Variants in ADGRB3 observed in about 807,000 individuals in gnomAD.
ADGRB3 encodes the protein adhesion G protein-coupled receptor B3, also known as brain-specific angiogenesis inhibitor 3.
ADGRB3 carries 37 observed loss-of-function variants against 193.4 expected under a neutral mutation model. The observed-to-expected ratio is 0.19, with a 90% CI of 0.15 to 0.25. The LOEUF (loss-of-function observed/expected upper bound fraction) is 0.25. Among genes scored for constraint, ADGRB3 ranks in the 10% least tolerant of loss-of-function variants. The probability of loss-of-function intolerance (pLI) is 1.00; values close to 1 mark genes in which losing one functional copy is unlikely to be tolerated. For synonymous variants in ADGRB3, 690 were observed against 644.2 expected, an observed-to-expected ratio of 1.07 and a Z score of -1.08; for missense variants, 1,637 against 1,852.9, an observed-to-expected ratio of 0.88 and a Z score of 2.14.
chr6:68,909,161 T>A (rs533179313), intron 3 of ADGRB3, among the ~76,000 whole-genome samples: 1 of 152,202 alleles, frequency 6.6e-6, no homozygotes, highest in African/African-American at 2.4e-5. Flanking sequence ...TCTTGTTATA[T>A]GTGCTTCCTC....
At chr6:69,097,114 G>C (rs933748723) in intron 17 of ADGRB3, among the ~76,000 whole-genome samples, 2 of 152,128 alleles carry the variant, frequency 1.3e-5, no homozygotes, top group Non-Finnish European at 2.9e-5. Flanking sequence ...ACTACAGTCT[G>C]TTTCATTTTA....
intron 20 of ADGRB3, among the ~76,000 whole-genome samples, chr6:69,272,290 T>C (rs2127279824): frequency 6.6e-6 from 1 of 152,262 alleles, no homozygotes; most frequent in South Asian, 2.1e-4. Context: ...TCGTTTTCAT[T>C]CCCTGCCCTG....
At chr6:69,060,781 T>C (rs1771725029) in intron 15 of ADGRB3, among the ~76,000 whole-genome samples, 2 of 152,036 alleles carry the variant, frequency 1.3e-5, no homozygotes, top group Non-Finnish European at 2.9e-5. Flanking sequence ...CTGATTCTTC[T>C]CTGGGAGAAA....
intron 12 of ADGRB3, among the ~76,000 whole-genome samples, chr6:69,015,758 A>C (rs1307523463): frequency 6.6e-6 from 1 of 151,918 alleles, no homozygotes; most frequent in Non-Finnish European, 1.5e-5. Context: ...TAGTCATTTC[A>C]GAATTTGTTA....
chr6:69,384,043 G>A (rs1770008444), intron 31 of ADGRB3, among the ~76,000 whole-genome samples: 1 of 151,966 alleles, frequency 6.6e-6, no homozygotes, highest in African/African-American at 2.4e-5. Context: ...GAGCTGAAGA[G>A]TATCTTTTAT....
intron 28 of ADGRB3, 147 bp from the exon 29 acceptor site, chr6:69,360,718 TACAA>T: frequency 2.5e-6 from 2 of 787,002 alleles, no homozygotes; most frequent in Non-Finnish European, 1.9e-6. Flanking sequence ...CTGGACCATG[TACAA>T]ACAAATTGAT....
At chr6:68,636,040 G>A (rs1203042181) in intron 1 of ADGRB3, 40 bp downstream of exon 1, 1 of 152,252 alleles carries the variant, frequency 6.6e-6, no homozygotes, top group Non-Finnish European at 1.5e-5. Flanking sequence ...TCTCTGCCGG[G>A]GGTCGCCACC....
At chr6:69,297,291 G>C (rs919662991) in intron 20 of ADGRB3, among the ~76,000 whole-genome samples, 2 of 149,092 alleles carry the variant, frequency 1.3e-5, no homozygotes, top group Admixed American at 1.3e-4. Flanking sequence ...CTTTCTATTA[G>C]TTCCATACCA....
intron 17 of ADGRB3, among the ~76,000 whole-genome samples, chr6:69,123,752 G>T (rs1005442641): frequency 2.0e-5 from 3 of 152,162 alleles, no homozygotes; most frequent in African/African-American, 4.8e-5. Flanking sequence ...AATACTTACT[G>T]CAAAGGCCAA....
intron 1 of ADGRB3, among the ~76,000 whole-genome samples, chr6:68,636,352 G>T (rs1388488094): frequency 6.6e-6 from 1 of 151,954 alleles, no homozygotes; most frequent in African/African-American, 2.4e-5. Context: ...TGGAGTGATG[G>T]CGCCGTCTAT....
intron 17 of ADGRB3, among the ~76,000 whole-genome samples, chr6:69,164,188 AG>A (rs1238793980): frequency 1.3e-5 from 2 of 152,054 alleles, no homozygotes; most frequent in Non-Finnish European, 2.9e-5. Context: ...TGTCATCACA[AG>A]CTAAGCTAAG....
intron 3 of ADGRB3, among the ~76,000 whole-genome samples, chr6:68,883,445 T>C (rs1259097079): frequency 6.6e-6 from 1 of 152,182 alleles, no homozygotes; most frequent in South Asian, 2.1e-4. Flanking sequence ...TGTAGGAGCT[T>C]TGTTTATTTG....
chr6:68,881,177 G>GTT (rs11396551), intron 3 of ADGRB3, among the ~76,000 whole-genome samples: 1,828 of 149,282 alleles, frequency 0.012, 40 homozygotes, highest in African/African-American at 0.034. Context: ...TCCTTATAAA[G>GTT]TTTTTTTTTT....
At chr6:69,232,563 AG>A in intron 17 of ADGRB3, 1 of 1,535,620 alleles carries the variant, frequency 6.5e-7, no homozygotes, top group East Asian at 2.4e-5. Flanking sequence ...GAAGCAGTTG[AG>A]GGAAAGAAAT....
At chr6:68,772,914 T>TAA (rs1562023459) in intron 3 of ADGRB3, among the ~76,000 whole-genome samples, 31 of 60,344 alleles carry the variant, frequency 5.1e-4, no homozygotes, top group African/African-American at 3.0e-3. Flanking sequence ...TATATATATA[T>TAA]ATATATATAT....
chr6:69,374,459 G>T (rs1480444034), intron 30 of ADGRB3, among the ~76,000 whole-genome samples: 1 of 151,940 alleles, frequency 6.6e-6, no homozygotes, highest in African/African-American at 2.4e-5. Flanking sequence ...TAAATATTTT[G>T]CCACTGACAG....
chr6:69,333,095 T>C (rs1403521115), intron 24 of ADGRB3, 87 bp downstream of exon 24: 2 of 1,374,792 alleles, frequency 1.5e-6, no homozygotes, highest in African/African-American at 3.1e-5. Flanking sequence ...CGTTTGACTC[T>C]GCCTTGAATT....
At chr6:68,799,948 C>T (rs767173694) in intron 3 of ADGRB3, among the ~76,000 whole-genome samples, 3 of 151,996 alleles carry the variant, frequency 2.0e-5, no homozygotes, top group Non-Finnish European at 4.4e-5. Context: ...TGTTTTATGC[C>T]ATTTGAGATG....
intron 3 of ADGRB3, among the ~76,000 whole-genome samples, chr6:68,891,296 TGG>T (rs1346896891): frequency 6.6e-6 from 1 of 152,014 alleles, no homozygotes; most frequent in Non-Finnish European, 1.5e-5. Flanking sequence ...GAGGTTTGGG[TGG>T]GGACACAGAG....
Sources: allele counts gnomAD v4.1 joint callset (sites outside exome capture counted in the v4.1 genomes callset), GRCh38; gene constraint gnomAD v4.1.1; transcripts MANE v1.5; gene names NCBI Gene and HGNC (gene_info 2026-07-23, HGNC 2026-07-21).